PDE1A: variants seen among roughly 807,000 people sequenced by gnomAD.
PDE1A encodes dual specificity calcium/calmodulin-dependent 3',5'-cyclic nucleotide phosphodiesterase 1A.
In PDE1A, 35 loss-of-function variants were observed where a neutral mutation model predicts 61.7. That is an observed-to-expected ratio of 0.57 (90% CI 0.43 to 0.75). The LOEUF is 0.75. PDE1A is among the 30% of genes least tolerant of loss of function. The pLI is 0.00. For missense variants in PDE1A, 597 were observed against 630.6 expected, an observed-to-expected ratio of 0.95 and a Z score of 0.57; for synonymous variants, 232 against 213.2, an observed-to-expected ratio of 1.09 and a Z score of -0.77.
chr2:182,312,616 T>C (rs1472886065), intron 1 of PDE1A, among the ~76,000 whole-genome samples: 2 of 152,200 alleles, frequency 1.3e-5, no homozygotes, highest in Admixed American at 1.3e-4. Flanking sequence ...AGATTGTCCA[T>C]ATATATGTGG....
intron 1 of PDE1A, among the ~76,000 whole-genome samples, chr2:182,358,910 T>C (rs1185099070): frequency 1.3e-5 from 2 of 152,112 alleles, no homozygotes; most frequent in African/African-American, 4.8e-5. Context: ...ATTTAACTAA[T>C]TTGCTACACT....
At chr2:182,461,114 T>A (rs745621201) in intron 2 of PDE1A, among the ~76,000 whole-genome samples, 2 of 152,186 alleles carry the variant, frequency 1.3e-5, no homozygotes, top group Non-Finnish European at 2.9e-5. Context: ...GGCCATGGAA[T>A]CTTTTTCTCA....
intron 8 of PDE1A, among the ~76,000 whole-genome samples, chr2:182,202,728 A>C (rs1686768312): frequency 6.6e-6 from 1 of 152,222 alleles, no homozygotes; most frequent in Admixed American, 6.5e-5. Context: ...AGCCATTGGT[A>C]TTACTGACTA....
At chr2:182,647,416 A>G in the PDE1A span, among the ~76,000 whole-genome samples, 3 of 152,318 alleles carry the variant, frequency 2.0e-5, no homozygotes, top group East Asian at 5.8e-4. Context: ...ACTTAATACA[A>G]TAACAATCAT....
chr2:182,353,424 A>G (rs976275756), intron 1 of PDE1A, among the ~76,000 whole-genome samples: 1 of 152,184 alleles, frequency 6.6e-6, no homozygotes. Context: ...GGTATAAACA[A>G]AAAACAGTTC....
intron 1 of PDE1A, among the ~76,000 whole-genome samples, chr2:182,364,486 A>AC (rs1159224314): frequency 4.1e-5 from 6 of 147,228 alleles, no homozygotes; most frequent in Non-Finnish European, 6.0e-5. Context: ...AAAAAAAAAA[A>AC]AAAAAAAAAA....
At chr2:182,447,105 C>A (rs550993037) in intron 2 of PDE1A, among the ~76,000 whole-genome samples, 111 of 129,566 alleles carry the variant, frequency 8.6e-4, no homozygotes, top group Non-Finnish European at 1.4e-3. Flanking sequence ...ACTTTGAGAA[C>A]TTTTTTTTCA....
At position 182,392,037 on chromosome 2, in the gene PDE1A, A is replaced by G. The variant is rs532861384; in HGVS notation, c.53+34541T>C. On this transcript the variant is annotated intron_variant, in intron 1 of 13. Transcript: ENST00000351439. ...CGTTGAGGAAGAACCCCACAACACT[A>G]CTGACAATTTATACTGTTAATCTCT... Among the ~76,000 whole-genome samples, 21 of 152,248 alleles carry G rather than the reference A, an allele frequency of 1.4e-4. 1 individual carries two copies. The highest frequency in any genetic ancestry group is 6.8e-3 in the Middle Eastern group (2 of 294).
intron 1 of PDE1A, among the ~76,000 whole-genome samples, chr2:182,282,686 A>G (rs1335494462): frequency 6.6e-6 from 1 of 152,000 alleles, no homozygotes; most frequent in East Asian, 1.9e-4. Flanking sequence ...TTTCCTACAT[A>G]CACCAAGAAT....
chr2:182,160,531 G>A (rs1032898005), intron 13 of PDE1A, among the ~76,000 whole-genome samples: 1 of 152,140 alleles, frequency 6.6e-6, no homozygotes, highest in East Asian at 1.9e-4. Context: ...TTGGACACCA[G>A]ACTCCAGGTT....
chr2:182,383,098 A>T (rs753809598), intron 1 of PDE1A, among the ~76,000 whole-genome samples: 1 of 151,794 alleles, frequency 6.6e-6, no homozygotes, highest in Non-Finnish European at 1.5e-5. Context: ...ATTCTCCAAG[A>T]CTCCCCATAA....
At chr2:182,639,880 T>C in the PDE1A span, among the ~76,000 whole-genome samples, 1 of 149,134 alleles carries the variant, frequency 6.7e-6, no homozygotes, top group Non-Finnish European at 1.5e-5. Context: ...ATATTTATTA[T>C]ATATATGCAT....
intron 1 of PDE1A, among the ~76,000 whole-genome samples, chr2:182,392,423 G>A (rs185678939): frequency 6.0e-4 from 91 of 152,260 alleles, no homozygotes; most frequent in Non-Finnish European, 1.1e-3. Flanking sequence ...GGGAATTTTG[G>A]GAGCTAATAT....
chr2:182,436,802 T>C (rs758628911), intron 2 of PDE1A, among the ~76,000 whole-genome samples: 6 of 152,024 alleles, frequency 3.9e-5, no homozygotes, highest in African/African-American at 4.8e-5. Flanking sequence ...CCAAAGACTA[T>C]ATAGTTCGCA....
intron 10 of PDE1A, among the ~76,000 whole-genome samples, chr2:182,192,045 TG>T (rs1685744765): frequency 6.6e-6 from 1 of 151,824 alleles, no homozygotes; most frequent in Non-Finnish European, 1.5e-5. Flanking sequence ...TTAGTAGAGA[TG>T]GGGTTTCACC....
chr2:182,353,836 C>G (rs1699025210), intron 1 of PDE1A, among the ~76,000 whole-genome samples: 1 of 152,008 alleles, frequency 6.6e-6, no homozygotes, highest in South Asian at 2.1e-4. Context: ...CTAATTTTCA[C>G]TTATTAAACT....
intron 13 of PDE1A, among the ~76,000 whole-genome samples, chr2:182,154,051 T>A (rs1690935518): frequency 2.0e-5 from 3 of 152,184 alleles, no homozygotes; most frequent in Admixed American, 2.0e-4. Flanking sequence ...AGCTAAAACT[T>A]GGAAAAAATA....
intron 2 of PDE1A, among the ~76,000 whole-genome samples, chr2:182,438,455 TAATAC>T (rs899338596): frequency 1.3e-5 from 2 of 151,986 alleles, no homozygotes; most frequent in African/African-American, 4.8e-5. Context: ...AAAGTAATTT[TAATAC>T]AATTAAGTGC....
intron 1 of PDE1A, among the ~76,000 whole-genome samples, chr2:182,292,942 A>G (rs1028425597): frequency 4.6e-5 from 7 of 152,092 alleles, no homozygotes; most frequent in Non-Finnish European, 4.4e-5. Flanking sequence ...GAGGTTTCCA[A>G]TTCAGTATAT....
Sources: gnomAD v4.1 joint callset for allele counts (sites outside exome capture counted in the v4.1 genomes callset) on GRCh38, gnomAD v4.1.1 for gene constraint, MANE v1.5 for transcripts, NCBI Gene and HGNC (gene_info 2026-07-23, HGNC 2026-07-21) for gene names.